The following DMD variants were observed in gnomAD, a reference collection of about 807,000 sequenced individuals.
DMD encodes the protein mutant dystrophin.
Under a neutral mutation model 330.1 loss-of-function variants are expected in DMD, and 63 were observed. The observed-to-expected ratio is 0.19, with a 90% CI of 0.16 to 0.24. DMD has a LOEUF of 0.24. Among genes scored for constraint, DMD ranks in the 10% least tolerant of loss-of-function variants. The pLI, the probability that DMD is intolerant of heterozygous loss-of-function variation, is 1.00. For synonymous variants in DMD, 1,223 were observed against 959.8 expected (o/e 1.27, Z -5.07); for missense variants, 3,344 against 2,684.1 (o/e 1.25, Z -5.43).
intron 2 of DMD, among the ~76,000 whole-genome samples, chrX:32,875,511 C>G (rs2083305509): frequency 8.9e-6 from 1 of 112,154 alleles, no homozygotes; most frequent in African/African-American, 3.2e-5. Flanking sequence ...TCTAATTTCA[C>G]TTTAATCCAG....
At chrX:31,452,006 G>A (rs966887098) in intron 59 of DMD, among the ~76,000 whole-genome samples, 1 of 109,699 alleles carries the variant, frequency 9.1e-6, no homozygotes, top group Non-Finnish European at 1.9e-5. Context: ...CGAGTAAACT[G>A]AATAACAATA....
chrX:31,232,169 T>C (rs1483382094), intron 63 of DMD, among the ~76,000 whole-genome samples: 1 of 99,628 alleles, frequency 1.0e-5, no homozygotes, highest in Non-Finnish European at 2.0e-5. Flanking sequence ...ATTGCTGAAA[T>C]CTCAGAGAGG....
At position 32,376,541 on chromosome X, in the gene DMD, C is replaced by T. The variant is rs190174291; in HGVS notation, c.4845+3969G>A. ...CATGGACTATGGCCCTATAAATAGG[C>T]GATGAAATACTATTAAATTAATTAA... On this transcript the variant is annotated intron_variant, in intron 34 of 78. Transcript: ENST00000357033. Among the ~76,000 whole-genome samples, 128 of 110,061 alleles carry T rather than the reference C, an allele frequency of 1.2e-3. 1 individual carries two copies. Among genetic ancestry groups the T allele is most frequent in the African/African-American group, 4.0e-3 (122 of 30,211 alleles).
intron 44 of DMD, among the ~76,000 whole-genome samples, chrX:32,154,683 A>T (rs771989974): frequency 5.4e-5 from 6 of 111,703 alleles, no homozygotes; most frequent in African/African-American, 1.6e-4. Context: ...ATAAAGTTTC[A>T]TGGTACTCAC....
chrX:31,904,362 T>A (rs1021791702), intron 47 of DMD, among the ~76,000 whole-genome samples: 1 of 111,479 alleles, frequency 9.0e-6, no homozygotes, highest in Non-Finnish European at 1.9e-5. Flanking sequence ...CACTCAGTGA[T>A]CTCTGTCTCC....
At chrX:32,510,883 G>T (rs958826014) in intron 18 of DMD, among the ~76,000 whole-genome samples, 1 of 110,917 alleles carries the variant, frequency 9.0e-6, no homozygotes, top group Non-Finnish European at 1.9e-5. Flanking sequence ...AAGTAGAAAA[G>T]AAAGAGTACC....
At chrX:32,439,533 AAG>A (rs1443671467) in intron 28 of DMD, among the ~76,000 whole-genome samples, 2 of 111,709 alleles carry the variant, frequency 1.8e-5, no homozygotes, top group Non-Finnish European at 3.8e-5. Flanking sequence ...ATTATTTTAT[AAG>A]TCTTAACAAA....
chrX:32,280,144 GTA>G (rs200390755), intron 43 of DMD, among the ~76,000 whole-genome samples: 5,539 of 46,109 alleles, frequency 0.12, 231 homozygotes, highest in African/African-American at 0.26. Flanking sequence ...TATATATACA[GTA>G]TATATATATA....
At chrX:32,175,694 T>C (rs1447864999) in intron 44 of DMD, among the ~76,000 whole-genome samples, 3 of 111,129 alleles carry the variant, frequency 2.7e-5, no homozygotes, top group Non-Finnish European at 5.7e-5. Flanking sequence ...AGCCTTTGTA[T>C]CTTCCTTAAA....
chrX:31,779,804 C>T (rs2090918512), intron 50 of DMD, among the ~76,000 whole-genome samples: 1 of 110,778 alleles, frequency 9.0e-6, no homozygotes, highest in South Asian at 3.8e-4. Flanking sequence ...ATACCTTTCT[C>T]ATGCATTCAT....
intron 2 of DMD, among the ~76,000 whole-genome samples, chrX:32,963,118 C>T (rs1033826452): frequency 1.1e-4 from 12 of 111,572 alleles, no homozygotes; most frequent in African/African-American, 2.9e-4. Context: ...CACATATACA[C>T]GCATGCCACA....
chrX:32,578,391 C>A (rs1156686464), intron 13 of DMD, among the ~76,000 whole-genome samples: 1 of 111,918 alleles, frequency 8.9e-6, no homozygotes, highest in Non-Finnish European at 1.9e-5. Flanking sequence ...CATTTTGTCT[C>A]AGCAGTAAGT....
At chrX:32,444,974 T>C (rs1258880143) in intron 27 of DMD, among the ~76,000 whole-genome samples, 2 of 111,158 alleles carry the variant, frequency 1.8e-5, no homozygotes, top group East Asian at 5.7e-4. Flanking sequence ...TCCTGAAAGG[T>C]ACGGAGTATA....
At chrX:31,617,561 A>AAAAAG (rs2078278800) in intron 55 of DMD, among the ~76,000 whole-genome samples, 1 of 105,341 alleles carries the variant, frequency 9.5e-6, no homozygotes, top group African/African-American at 3.5e-5. Flanking sequence ...AAAAAAAAAA[A>AAAAAG]GTCAAAAAAT....
chrX:32,040,630 CG>C (rs1200106176), intron 44 of DMD, among the ~76,000 whole-genome samples: 1 of 110,946 alleles, frequency 9.0e-6, no homozygotes, highest in African/African-American at 3.3e-5. Context: ...TGTAGGTTTC[CG>C]AAGAGGGGGC....
intron 19 of DMD, among the ~76,000 whole-genome samples, chrX:32,494,382 T>C (rs907714268): frequency 1.8e-5 from 2 of 111,168 alleles, no homozygotes; most frequent in African/African-American, 6.5e-5. Context: ...GAACGACATC[T>C]ATAATAGCAA....
At chrX:32,293,518 T>C (rs2097482533) in intron 42 of DMD, among the ~76,000 whole-genome samples, 1 of 111,461 alleles carries the variant, frequency 9.0e-6, no homozygotes, top group South Asian at 3.8e-4. Flanking sequence ...GGTGATCTTA[T>C]CGAGAGCAAC....
intron 52 of DMD, among the ~76,000 whole-genome samples, chrX:31,705,719 G>A (rs188448411): frequency 9.1e-4 from 102 of 112,292 alleles, no homozygotes; most frequent in Non-Finnish European, 1.6e-3. Context: ...AAATCAACAC[G>A]GACCCACAAT....
At chrX:31,626,255 G>A (rs1416200318) in intron 55 of DMD, among the ~76,000 whole-genome samples, 1 of 111,311 alleles carries the variant, frequency 9.0e-6, no homozygotes. Flanking sequence ...AAAGTGCTGG[G>A]GTTACAGGCA....
Sources: gnomAD v4.1 joint callset for allele counts (sites outside exome capture counted in the v4.1 genomes callset) on GRCh38, gnomAD v4.1.1 for gene constraint, MANE v1.5 for transcripts, NCBI Gene and HGNC (gene_info 2026-07-23, HGNC 2026-07-21) for gene names.